The following MYO10 variants were observed in gnomAD, a reference collection of about 807,000 sequenced individuals.
MYO10 encodes myosin X, also known as unconventional myosin-X.
A neutral mutation model predicts 257.3 loss-of-function variants in MYO10; 133 were observed. The ratio of observed to expected loss-of-function variants is 0.52; its 90% CI spans 0.45 to 0.60. The LOEUF (loss-of-function observed/expected upper bound fraction) is 0.60. Ranked by LOEUF, MYO10 falls within the 20% of genes least tolerant of loss-of-function variation. The pLI, the probability that MYO10 is intolerant of heterozygous loss-of-function variation, is 0.00. For missense variants in MYO10, 2,399 were observed against 2,635.7 expected (o/e 0.91, Z 1.97); for synonymous variants, 1,104 against 1,028.6 (o/e 1.07, Z -1.40).
chr5:16,792,817 T>C (rs1325910752), intron 4 of MYO10, among the ~76,000 whole-genome samples: 1 of 152,152 alleles, frequency 6.6e-6, no homozygotes, highest in Non-Finnish European at 1.5e-5. Flanking sequence ...TCCTGTGGTC[T>C]TACTTCCACT....
chr5:16,818,004 C>T lies in MYO10; in HGVS notation c.279+5G>A. Reference sequence around the variant, plus strand: ...CTTTTTAAAGGAATTACAAGTGGAACTTACATATATTTGATTTCTCTTATA... The same window carrying T: ...CTTTTTAAAGGAATTACAAGTGGAATTTACATATATTTGATTTCTCTTATA... On this transcript the variant is annotated splice_donor_5th_base_variant and intron_variant, in intron 3 of 40. Coordinates refer to ENST00000513610, the MANE Select transcript of MYO10 (RefSeq NM_012334.3). 1 of 1,531,888 alleles carries T rather than the reference C, an allele frequency of 6.5e-7. No individual in the cohort carries two copies. The highest frequency in any genetic ancestry group is 8.9e-7 in the Non-Finnish European group (1 of 1,128,512). The allele number at this position is 1,531,888 out of a possible 1,614,324, so 94.9% of individuals were successfully genotyped here.
rs771834995 is a variant in MYO10 at position 16,666,739 on chromosome 5, G to A, written c.6130C>T (p.Arg2044Cys). ...CTGGCGGAGCGTGTCGTGCTGTAGCGCTTCTTCACGATCATGCTGATGTAG... is the reference window on the plus strand; with the variant it reads ...CTGGCGGAGCGTGTCGTGCTGTAGCACTTCTTCACGATCATGCTGATGTAG... ...KAYISMIVKK[R>C]YSTTRSASSQ... The change falls in exon 41 of 41, where the codon CGC becomes TGC. Residue 2044 changes from arginine to cysteine, a missense_variant. Transcript: ENST00000513610. The A allele has an allele frequency of 4.4e-6, 7 of 1,607,910 alleles. No individual in the cohort carries two copies. Among genetic ancestry groups the A allele is most frequent in the East Asian group, 4.5e-5 (2 of 44,822 alleles).
rs1737117308 is a variant in MYO10, at chr5:16,683,821, C to T, written c.4046+59G>A. Reference sequence around the variant, plus strand: ...GAGGGTCGTGACCCAGCAGCACAGACACCTGTGGACACACACAGGTGATGA... The same window carrying T: ...GAGGGTCGTGACCCAGCAGCACAGATACCTGTGGACACACACAGGTGATGA... On this transcript the variant is annotated intron_variant, in intron 30 of 40. Coordinates refer to ENST00000513610, the MANE Select transcript of MYO10 (RefSeq NM_012334.3). 1.2e-5 allele frequency: 18 copies of T among 1,551,498 alleles called. No individual in the cohort carries two copies. In the South Asian group the frequency reaches 1.6e-4, roughly 14 times the overall value.
chr5:16,856,069 A>T (rs1341887903), intron 2 of MYO10, among the ~76,000 whole-genome samples: 1 of 152,224 alleles, frequency 6.6e-6, no homozygotes, highest in African/African-American at 2.4e-5. Context: ...TACAAATGGA[A>T]CAGTATTGTT....
chr5:16,896,068 C>A (rs1745210202), intron 1 of MYO10, among the ~76,000 whole-genome samples: 1 of 152,184 alleles, frequency 6.6e-6, no homozygotes, highest in South Asian at 2.1e-4. Context: ...TGGAGTCCTT[C>A]TCTCCTTCTT....
At chr5:16,816,656 G>A (rs1401440949) in intron 3 of MYO10, among the ~76,000 whole-genome samples, 3 of 151,188 alleles carry the variant, frequency 2.0e-5, no homozygotes, top group Admixed American at 1.3e-4. Context: ...TCAGGCTCCC[G>A]AGTAGCTGGG....
chr5:16,669,030 T>G (rs1281928282), intron 39 of MYO10, among the ~76,000 whole-genome samples: 1 of 152,072 alleles, frequency 6.6e-6, no homozygotes, highest in African/African-American at 2.4e-5. Context: ...AGTTTAACTG[T>G]AGACTTTCCT....
In MYO10 at chr5:16,758,109, A is replaced by G; in HGVS notation, c.1848+9T>C. 6.3e-7 allele frequency: 1 copy of G among 1,584,700 alleles called. No homozygotes were observed. Among genetic ancestry groups the G allele is most frequent in the Non-Finnish European group, 8.7e-7 (1 of 1,153,280 alleles). On this transcript the variant is annotated intron_variant, in intron 18 of 40. Transcript: ENST00000513610. Reference sequence around the variant, plus strand: ...GACGGATTCCTCTAAGCCAGCAGTGAAAACGAACCTTGAACTGTGAGCTGA... The same window carrying G: ...GACGGATTCCTCTAAGCCAGCAGTGGAAACGAACCTTGAACTGTGAGCTGA...
intron 1 of MYO10, among the ~76,000 whole-genome samples, chr5:16,931,560 T>G (rs1458008148): frequency 6.6e-6 from 1 of 152,148 alleles, no homozygotes; most frequent in Admixed American, 6.5e-5. Context: ...GCCAGACAGC[T>G]TATTGCTCCT....
chr5:16,772,823 C>A (rs1249834148), intron 9 of MYO10, among the ~76,000 whole-genome samples: 1 of 152,180 alleles, frequency 6.6e-6, no homozygotes, highest in Non-Finnish European at 1.5e-5. Flanking sequence ...CAGGACACTA[C>A]ATAGTGCATA....
intron 1 of MYO10, among the ~76,000 whole-genome samples, chr5:16,902,972 C>A (rs1745424438): frequency 6.6e-6 from 1 of 152,244 alleles, no homozygotes; most frequent in African/African-American, 2.4e-5. Flanking sequence ...TGAATCCAGA[C>A]CAGGCTCTGA....
chr5:16,693,852 G>A (rs1020004268), intron 27 of MYO10, among the ~76,000 whole-genome samples: 1 of 152,164 alleles, frequency 6.6e-6, no homozygotes, highest in African/African-American at 2.4e-5. Flanking sequence ...GCAGAAAAGG[G>A]GGCATGTTGG....
chr5:16,825,053 A>G (rs1227319077), intron 2 of MYO10, among the ~76,000 whole-genome samples: 2 of 152,146 alleles, frequency 1.3e-5, no homozygotes, highest in Non-Finnish European at 2.9e-5. Context: ...TACATTTTTG[A>G]GATTTTCTAA....
intron 2 of MYO10, among the ~76,000 whole-genome samples, chr5:16,863,113 G>C (rs1363074618): frequency 6.6e-6 from 1 of 152,218 alleles, no homozygotes; most frequent in African/African-American, 2.4e-5. Context: ...GATCCACTAA[G>C]AAGAAAATCA....
intron 2 of MYO10, chr5:16,854,161 T>C (rs1419466869): frequency 1.1e-4 from 17 of 152,218 alleles, no homozygotes; most frequent in Admixed American, 1.0e-3. Context: ...CTCTTAACTA[T>C]ATTTCTGATC....
chr5:16,856,034 T>A (rs1329521049), intron 2 of MYO10, among the ~76,000 whole-genome samples: 1 of 152,218 alleles, frequency 6.6e-6, no homozygotes, highest in African/African-American at 2.4e-5. Context: ...ATTTGAAACT[T>A]CTAACACAGG....
At chr5:16,836,640 C>CT (rs1743320889) in intron 2 of MYO10, among the ~76,000 whole-genome samples, 1 of 152,222 alleles carries the variant, frequency 6.6e-6, no homozygotes, top group Non-Finnish European at 1.5e-5. Context: ...CCTTCAGAGA[C>CT]TTTGAGATTT....
intron 19 of MYO10, among the ~76,000 whole-genome samples, chr5:16,743,720 T>G (rs74666595): frequency 0.014 from 2,099 of 151,938 alleles, 40 homozygotes; most frequent in African/African-American, 0.047. Flanking sequence ...TTATAGAAAA[T>G]GACTTGGAAA....
chr5:16,919,044 G>A (rs80057575), intron 1 of MYO10, among the ~76,000 whole-genome samples: 10,494 of 152,110 alleles, frequency 0.069, 424 homozygotes, highest in African/African-American at 0.11. Context: ...ATGCATTCCT[G>A]AAGATTTCCA....
Sources: allele counts gnomAD v4.1 joint callset (sites outside exome capture counted in the v4.1 genomes callset), GRCh38; gene constraint gnomAD v4.1.1; transcripts MANE v1.5; gene names NCBI Gene and HGNC (gene_info 2026-07-23, HGNC 2026-07-21).